The following SLIT2 variants were observed in gnomAD, a reference collection of about 807,000 sequenced individuals.
SLIT2 encodes slit homolog 2 protein.
SLIT2 carries 41 observed loss-of-function variants against 185.7 expected under a neutral mutation model. That is an observed-to-expected ratio of 0.22 (90% CI 0.17 to 0.29). The LOEUF (loss-of-function observed/expected upper bound fraction) is 0.29, where lower values mean the gene tolerates loss of function less well. Among genes scored for constraint, SLIT2 ranks in the 10% least tolerant of loss-of-function variants. The pLI, the probability that SLIT2 is intolerant of heterozygous loss-of-function variation, is 1.00. For missense variants in SLIT2, 1,571 were observed against 1,909.0 expected (o/e 0.82, Z 3.30); for synonymous variants, 693 against 680.2 (o/e 1.02, Z -0.29).
intron 5 of SLIT2, among the ~76,000 whole-genome samples, chr4:20,470,270 G>C (rs1463281663): frequency 6.6e-6 from 1 of 152,112 alleles, no homozygotes. Flanking sequence ...TAGCAATATT[G>C]ACTAGAAATG....
At chr4:20,495,218 A>G (rs1392752264) in intron 9 of SLIT2, among the ~76,000 whole-genome samples, 1 of 152,202 alleles carries the variant, frequency 6.6e-6, no homozygotes, top group Non-Finnish European at 1.5e-5. Context: ...CTGAGAAAGG[A>G]TTTTTTGAAA....
chr4:20,348,306 T>G (rs1246531174), intron 4 of SLIT2, among the ~76,000 whole-genome samples: 2 of 152,130 alleles, frequency 1.3e-5, no homozygotes, highest in Non-Finnish European at 2.9e-5. Context: ...TGGCATGATC[T>G]TGGCTCATTG....
intron 4 of SLIT2, among the ~76,000 whole-genome samples, chr4:20,373,725 A>G (rs1344472437): frequency 6.6e-6 from 1 of 152,098 alleles, no homozygotes; most frequent in Non-Finnish European, 1.5e-5. Context: ...ACTAAGTGAA[A>G]CCCAATTGCA....
At chr4:20,372,874 A>G (rs1161869175) in intron 4 of SLIT2, among the ~76,000 whole-genome samples, 1 of 152,094 alleles carries the variant, frequency 6.6e-6, no homozygotes, top group African/African-American at 2.4e-5. Flanking sequence ...AAGTATGTTT[A>G]CAAATGAATA....
chr4:20,321,286 C>T (rs1213656034), intron 4 of SLIT2, among the ~76,000 whole-genome samples: 1 of 152,166 alleles, frequency 6.6e-6, no homozygotes, highest in Non-Finnish European at 1.5e-5. Context: ...TAGTCAATTG[C>T]CAAAATTCTG....
intron 29 of SLIT2, among the ~76,000 whole-genome samples, chr4:20,572,219 A>G (rs1725664376): frequency 6.6e-6 from 1 of 152,166 alleles, no homozygotes; most frequent in South Asian, 2.1e-4. Context: ...TAGTCACCAA[A>G]ACCATTCTCC....
chr4:20,334,132 A>G (rs893140547), intron 4 of SLIT2, among the ~76,000 whole-genome samples: 2 of 152,130 alleles, frequency 1.3e-5, no homozygotes, highest in African/African-American at 4.8e-5. Context: ...TAGAGAGAAA[A>G]TATGGTTATC....
At chr4:20,588,603 G>A (rs999190896) in intron 29 of SLIT2, among the ~76,000 whole-genome samples, 1 of 152,132 alleles carries the variant, frequency 6.6e-6, no homozygotes, top group Non-Finnish European at 1.5e-5. Context: ...AACTTAAAAT[G>A]TATTATGTAA....
chr4:20,291,904 C>CTGTG (rs35335088), intron 4 of SLIT2, among the ~76,000 whole-genome samples: 3,942 of 146,936 alleles, frequency 0.027, 59 homozygotes, highest in Middle Eastern at 0.038. Flanking sequence ...CTGCACACCT[C>CTGTG]TGTGTGTGTG....
intron 4 of SLIT2, among the ~76,000 whole-genome samples, chr4:20,459,969 T>C (rs1713516920): frequency 6.6e-6 from 1 of 151,570 alleles, no homozygotes; most frequent in East Asian, 1.9e-4. Flanking sequence ...TTTCAAGCGA[T>C]TCTCCTGCCT....
chr4:20,488,524 G>C (rs913770731), intron 7 of SLIT2, among the ~76,000 whole-genome samples: 23 of 152,068 alleles, frequency 1.5e-4, no homozygotes, highest in Admixed American at 2.6e-4. Flanking sequence ...GAACTGTGGA[G>C]CAATTTGCAT....
rs1160985126 is a variant in SLIT2, at chr4:20,410,243, C to CTTTT, written c.396-57489_396-57486dup. On this transcript the variant is annotated intron_variant, in intron 4 of 36. Transcript: ENST00000504154. Reference sequence around the variant, plus strand: ...TGGTTTTTTTTCTTTTCTTTCTTTTCTTTTTTTTTTTTTTTTTTTTTTTGA... The same window carrying CTTTT: ...TGGTTTTTTTTCTTTTCTTTCTTTTCTTTTTTTTTTTTTTTTTTTTTTTTTTTGA... 3.0e-3 allele frequency among the ~76,000 whole-genome samples: 207 copies of CTTTT among 69,056 alleles called. 3 individuals carry two copies. The highest frequency in any genetic ancestry group is 0.016 in the Middle Eastern group (1 of 62). The allele number at this position is 69,056 out of a possible 152,430, so 45.3% of individuals were successfully genotyped here. A position where few individuals can be genotyped will look rare whatever the true frequency, so the allele number is the denominator to read the frequency against.
At chr4:20,365,743 C>G (rs1723067605) in intron 4 of SLIT2, among the ~76,000 whole-genome samples, 1 of 152,124 alleles carries the variant, frequency 6.6e-6, no homozygotes, top group Admixed American at 6.5e-5. Flanking sequence ...TCGCACGCAT[C>G]CCTCCACTTG....
chr4:20,349,253 C>T (rs1427464668), intron 4 of SLIT2, among the ~76,000 whole-genome samples: 2 of 152,090 alleles, frequency 1.3e-5, no homozygotes, highest in Admixed American at 6.6e-5. Context: ...GATTTACGTC[C>T]TTACTATTAA....
chr4:20,579,860 T>G (rs913153985), intron 29 of SLIT2, among the ~76,000 whole-genome samples: 5 of 151,086 alleles, frequency 3.3e-5, no homozygotes, highest in Admixed American at 1.3e-4. Context: ...GTTAAGAAAT[T>G]TCAACAATGC....
At chr4:20,432,943 A>G (rs1035312378) in intron 4 of SLIT2, among the ~76,000 whole-genome samples, 3 of 152,338 alleles carry the variant, frequency 2.0e-5, no homozygotes, top group African/African-American at 4.8e-5. Flanking sequence ...AAAATTCACA[A>G]AGATGATATT....
Position 20,511,154 on chromosome 4 carries a change from T to C in SLIT2, c.1058+17T>C. 1 of 1,519,780 alleles carries C rather than the reference T, an allele frequency of 6.6e-7. No homozygotes were observed. The highest frequency in any genetic ancestry group is 1.1e-5 in the South Asian group (1 of 87,164). 94.1% of individuals were successfully genotyped at this position (1,519,780 alleles called of 1,614,324 possible). A position where few individuals can be genotyped will look rare whatever the true frequency, so the allele number is the denominator to read the frequency against. The stretch of plus-strand genomic sequence containing the variant: ...GAATTCACTGTAAGTATTCACTGTG[T>C]CACTGAAGGAAAAGAGAAGCCACAA... On this transcript the variant is annotated intron_variant, in intron 11 of 36. Coordinates refer to ENST00000504154, the MANE Select transcript of SLIT2 (RefSeq NM_004787.4).
At chr4:20,361,249 T>G (rs916838976) in intron 4 of SLIT2, among the ~76,000 whole-genome samples, 1 of 132,074 alleles carries the variant, frequency 7.6e-6, no homozygotes, top group Non-Finnish European at 1.7e-5. Flanking sequence ...TATAGTCATT[T>G]CATATATTAG....
intron 9 of SLIT2, among the ~76,000 whole-genome samples, chr4:20,502,388 CA>C (rs1718822428): frequency 6.6e-6 from 1 of 152,128 alleles, no homozygotes; most frequent in African/African-American, 2.4e-5. Context: ...ACATACTCAA[CA>C]AAGATTTCTG....
Sources: gnomAD v4.1 joint callset for allele counts (sites outside exome capture counted in the v4.1 genomes callset) on GRCh38, gnomAD v4.1.1 for gene constraint, MANE v1.5 for transcripts, NCBI Gene and HGNC (gene_info 2026-07-23, HGNC 2026-07-21) for gene names.